The following TENM3 variants were observed in gnomAD, a reference collection of about 807,000 sequenced individuals.
TENM3 encodes the protein teneurin-3.
In TENM3, 63 loss-of-function variants were observed where a neutral mutation model predicts 255.1. That is an observed-to-expected ratio of 0.25 (90% CI 0.20 to 0.30). The LOEUF (loss-of-function observed/expected upper bound fraction) is 0.30. TENM3 is among the 10% of genes least tolerant of loss of function. The pLI, the probability that TENM3 is intolerant of heterozygous loss-of-function variation, is 1.00. For missense variants in TENM3, 2,929 were observed against 3,461.1 expected (o/e 0.85, Z 3.86); for synonymous variants, 1,306 against 1,322.3 (o/e 0.99, Z 0.27).
At chr4:182,196,451 C>T (rs1237409656) in intron 1 of TENM3, among the ~76,000 whole-genome samples, 1 of 152,040 alleles carries the variant, frequency 6.6e-6, no homozygotes, top group Non-Finnish European at 1.5e-5. Flanking sequence ...AGGAAGTGAG[C>T]CAAGTAGGAA....
chr4:181,887,446 G>A, the TENM3 span, among the ~76,000 whole-genome samples: 1 of 152,144 alleles, frequency 6.6e-6, no homozygotes, highest in Non-Finnish European at 1.5e-5. Context: ...TTAGTAGGTG[G>A]CTACAGGAGT....
chr4:182,178,107 T>G (rs2149725786), intron 1 of TENM3, among the ~76,000 whole-genome samples: 1 of 152,214 alleles, frequency 6.6e-6, no homozygotes, highest in East Asian at 1.9e-4. Flanking sequence ...TTATGTTTCA[T>G]CCTACAAAAT....
the TENM3 span, among the ~76,000 whole-genome samples, chr4:181,750,608 CATTA>C: frequency 6.6e-6 from 1 of 152,134 alleles, no homozygotes; most frequent in African/African-American, 2.4e-5. Context: ...CATTCCAGGA[CATTA>C]ATTAGCCCAA....
At chr4:181,724,584 T>C in the TENM3 span, among the ~76,000 whole-genome samples, 1 of 152,252 alleles carries the variant, frequency 6.6e-6, no homozygotes, top group East Asian at 1.9e-4. Context: ...AGATAATTCA[T>C]ATATTTTGAA....
intron 1 of TENM3, among the ~76,000 whole-genome samples, chr4:182,156,823 C>T (rs1291303340): frequency 2.0e-5 from 3 of 152,152 alleles, no homozygotes; most frequent in Admixed American, 2.0e-4. Flanking sequence ...CCAGCCCCAC[C>T]TGTTTTGTCT....
chr4:182,488,869 G>GTC (rs1735006250), intron 3 of TENM3, among the ~76,000 whole-genome samples: 1 of 152,276 alleles, frequency 6.6e-6, no homozygotes, highest in Admixed American at 6.5e-5. Context: ...ACAGAAGCCA[G>GTC]TGGAGGTGGG....
the TENM3 span, among the ~76,000 whole-genome samples, chr4:181,458,964 A>G: frequency 6.6e-6 from 1 of 151,944 alleles, no homozygotes. Context: ...ACTTACCCTT[A>G]AGAAACTGCC....
the TENM3 span, among the ~76,000 whole-genome samples, chr4:182,019,101 C>A: frequency 6.6e-6 from 1 of 152,204 alleles, no homozygotes; most frequent in African/African-American, 2.4e-5. Flanking sequence ...ACCTGGTGAG[C>A]AATAACATTT....
At chr4:182,251,722 G>A (rs756499884) in intron 1 of TENM3, among the ~76,000 whole-genome samples, 4 of 152,166 alleles carry the variant, frequency 2.6e-5, no homozygotes, top group Admixed American at 1.3e-4. Flanking sequence ...TAAGTTTCAT[G>A]ATACATGCTG....
At chr4:182,018,190 G>A in the TENM3 span, among the ~76,000 whole-genome samples, 5 of 152,030 alleles carry the variant, frequency 3.3e-5, no homozygotes, top group African/African-American at 7.3e-5. Flanking sequence ...TGATTTATGT[G>A]GTATGAGATT....
At chr4:182,528,315 A>G (rs1369892064) in intron 3 of TENM3, among the ~76,000 whole-genome samples, 1 of 152,010 alleles carries the variant, frequency 6.6e-6, no homozygotes, top group African/African-American at 2.4e-5. Flanking sequence ...ACAGGGTTTC[A>G]CAGTGTCGGC....
At chr4:181,645,611 C>A in the TENM3 span, among the ~76,000 whole-genome samples, 4 of 151,980 alleles carry the variant, frequency 2.6e-5, no homozygotes, top group Admixed American at 2.6e-4. Flanking sequence ...GTGATGGAAC[C>A]TCTCAAAAAA....
intron 3 of TENM3, among the ~76,000 whole-genome samples, chr4:182,417,670 A>G (rs975764761): frequency 2.0e-5 from 3 of 152,228 alleles, no homozygotes; most frequent in Admixed American, 6.5e-5. Context: ...AGGGTCAAGA[A>G]GCAAAGATGA....
At chr4:182,747,976 T>C (rs1762127419) in intron 19 of TENM3, among the ~76,000 whole-genome samples, 2 of 152,226 alleles carry the variant, frequency 1.3e-5, no homozygotes, top group South Asian at 4.1e-4. Flanking sequence ...AGTTTCCAAC[T>C]CAGAAGATAG....
At chr4:182,760,418 G>T (rs1236467871) in intron 22 of TENM3, among the ~76,000 whole-genome samples, 1 of 152,172 alleles carries the variant, frequency 6.6e-6, no homozygotes, top group East Asian at 1.9e-4. Flanking sequence ...ACAGTTCTCT[G>T]CTTGCTTACC....
At chr4:181,878,714 A>T in the TENM3 span, among the ~76,000 whole-genome samples, 1 of 151,678 alleles carries the variant, frequency 6.6e-6, no homozygotes, top group East Asian at 1.9e-4. Context: ...ATACCTATTC[A>T]TCTATCATAT....
chr4:182,589,960 C>T (rs183264879), intron 3 of TENM3, among the ~76,000 whole-genome samples: 1 of 152,014 alleles, frequency 6.6e-6, no homozygotes, highest in African/African-American at 2.4e-5. Context: ...CCTGGGCAAC[C>T]AAGCAAGACT....
chr4:182,474,764 A>T (rs143238434), intron 3 of TENM3, among the ~76,000 whole-genome samples: 99 of 152,132 alleles, frequency 6.5e-4, no homozygotes, highest in African/African-American at 2.3e-3. Flanking sequence ...ATCCTTTTTT[A>T]TCTAAGTGAA....
At chr4:182,309,150 T>G (rs1194937253) in intron 1 of TENM3, among the ~76,000 whole-genome samples, 1 of 152,180 alleles carries the variant, frequency 6.6e-6, no homozygotes, top group Non-Finnish European at 1.5e-5. Flanking sequence ...CCCCTAGAGC[T>G]TACCTCCTTC....
Sources: gnomAD v4.1 joint callset for allele counts (sites outside exome capture counted in the v4.1 genomes callset) on GRCh38, gnomAD v4.1.1 for gene constraint, MANE v1.5 for transcripts, NCBI Gene and HGNC (gene_info 2026-07-23, HGNC 2026-07-21) for gene names.